METTL8: variants seen among roughly 807,000 people sequenced by gnomAD.
The protein encoded by METTL8 is tRNA N(3)-cytidine methyltransferase METTL8, mitochondrial.
Under a neutral mutation model 48.7 loss-of-function variants are expected in METTL8, and 32 were observed. The ratio of observed to expected loss-of-function variants is 0.66; its 90% confidence interval spans 0.50 to 0.88. The LOEUF is 0.88. Ranked by LOEUF, METTL8 falls within the 40% of genes least tolerant of loss-of-function variation. The pLI, the probability that METTL8 is intolerant of heterozygous loss-of-function variation, is 0.00. For missense variants in METTL8, 464 were observed against 474.4 expected, an observed-to-expected ratio of 0.98 and a Z score of 0.20; for synonymous variants, 136 against 157.1, an observed-to-expected ratio of 0.87 and a Z score of 1.01.
chr2:171,391,619 G>A (rs1274709812), intron 2 of METTL8, among the ~76,000 whole-genome samples: 1 of 152,136 alleles, frequency 6.6e-6, no homozygotes, highest in Admixed American at 6.5e-5. Context: ...GCATAGACGA[G>A]AATCATACCA....
chr2:171,343,877 T>C (rs1559077024), intron 3 of METTL8, among the ~76,000 whole-genome samples: 1 of 152,214 alleles, frequency 6.6e-6, no homozygotes. Flanking sequence ...CATGAGTCTG[T>C]ACTACTGTTT....
rs890820810 is a variant in METTL8 at position 171,319,287 on chromosome 2, G to C, written c.*4885C>G. 6.6e-6 allele frequency: 1 copy of C among 152,220 alleles called. No homozygotes were observed. The highest frequency in any genetic ancestry group is 1.5e-5 in the Non-Finnish European group (1 of 68,036). The allele number at this position is 152,220 out of a possible 1,614,324, so 9.4% of individuals were successfully genotyped here. Reference sequence around the variant, plus strand: ...TACCCACGCCAACACTAAGTCTCCTGATGACTAACAGAGGCAGGAAGCAGG... The same window carrying C: ...TACCCACGCCAACACTAAGTCTCCTCATGACTAACAGAGGCAGGAAGCAGG... On this transcript the variant is annotated 3_prime_UTR_variant, in exon 10 of 10. Transcript: ENST00000375258.
intron 1 of METTL8, chr2:171,414,845 G>C (rs1035932588): frequency 1.3e-5 from 2 of 152,028 alleles, no homozygotes; most frequent in Non-Finnish European, 2.9e-5. Flanking sequence ...CACATGTTGC[G>C]GGAGGCATCT....
intron 1 of METTL8, among the ~76,000 whole-genome samples, chr2:171,432,393 C>T (rs915249046): frequency 3.9e-5 from 6 of 152,136 alleles, no homozygotes; most frequent in African/African-American, 1.2e-4. Flanking sequence ...TCCAGGATGA[C>T]TCTCCCTTGG....
intron 1 of METTL8, among the ~76,000 whole-genome samples, chr2:171,405,411 A>G (rs887364908): frequency 5.9e-5 from 9 of 152,338 alleles, no homozygotes; most frequent in African/African-American, 2.2e-4. Context: ...AAAATAAACA[A>G]TTGGTTTTAG....
At chr2:171,366,194 T>G (rs1170466698) in intron 2 of METTL8, among the ~76,000 whole-genome samples, 2 of 152,100 alleles carry the variant, frequency 1.3e-5, no homozygotes, top group Non-Finnish European at 2.9e-5. Flanking sequence ...ACAAGATAGG[T>G]AGTACAGTGC....
intron 1 of METTL8, among the ~76,000 whole-genome samples, chr2:171,431,666 G>A (rs559509101): frequency 2.6e-5 from 4 of 152,304 alleles, no homozygotes; most frequent in African/African-American, 9.6e-5. Context: ...AGAGTAACAC[G>A]GTAGCTCTCT....
intron 1 of METTL8, among the ~76,000 whole-genome samples, chr2:171,413,613 G>A (rs1690974626): frequency 6.6e-6 from 1 of 152,010 alleles, no homozygotes; most frequent in African/African-American, 2.4e-5. Flanking sequence ...TTTTTTCTTA[G>A]GTTACATTTC....
intron 2 of METTL8, among the ~76,000 whole-genome samples, chr2:171,360,959 T>A (rs1465117544): frequency 6.6e-6 from 1 of 152,270 alleles, no homozygotes. Flanking sequence ...TAAAATGTTT[T>A]GTACTTAGCC....
chr2:171,420,528 C>A (rs58054376), intron 1 of METTL8, among the ~76,000 whole-genome samples: 1,898 of 152,160 alleles, frequency 0.012, 38 homozygotes, highest in African/African-American at 0.043. Context: ...ATCAACCACC[C>A]CTAAATGGCT....
chr2:171,405,880 G>A (rs907307569), intron 1 of METTL8, among the ~76,000 whole-genome samples: 13 of 152,088 alleles, frequency 8.5e-5, no homozygotes, highest in African/African-American at 2.9e-4. Flanking sequence ...GCTCTTCTTC[G>A]TGAAGTAAGA....
chr2:171,335,859 T>G (rs557320091), intron 5 of METTL8, among the ~76,000 whole-genome samples: 1 of 152,202 alleles, frequency 6.6e-6, no homozygotes, highest in Non-Finnish European at 1.5e-5. Flanking sequence ...TCCCTCCCTC[T>G]CCTTTTCCTC....
chr2:171,359,842 C>T (rs112748001), intron 3 of METTL8, among the ~76,000 whole-genome samples: 6,989 of 152,182 alleles, frequency 0.046, 537 homozygotes, highest in African/African-American at 0.15. Flanking sequence ...CTGCCCACCT[C>T]GGCCACCCAA....
At chr2:171,400,295 T>C (rs1026928124) in intron 1 of METTL8, among the ~76,000 whole-genome samples, 5 of 152,210 alleles carry the variant, frequency 3.3e-5, no homozygotes, top group Non-Finnish European at 7.3e-5. Flanking sequence ...TTTTGCTTTT[T>C]TGAACAGCAT....
chr2:171,381,352 A>C (rs1385284749), intron 2 of METTL8, among the ~76,000 whole-genome samples: 3 of 152,232 alleles, frequency 2.0e-5, no homozygotes, highest in Non-Finnish European at 4.4e-5. Flanking sequence ...ATGGGCAAAG[A>C]CTTCACGACA....
chr2:171,434,526 T>G, upstream of METTL8: 1 of 1,522,374 alleles, frequency 6.6e-7, no homozygotes, highest in Non-Finnish European at 8.8e-7. Flanking sequence ...CACGGGAGTG[T>G]GGGGCGCGCC....
intron 1 of METTL8, among the ~76,000 whole-genome samples, chr2:171,425,884 T>G (rs1692362113): frequency 6.6e-6 from 1 of 152,098 alleles, no homozygotes; most frequent in African/African-American, 2.4e-5. Context: ...AGAGGCCAGG[T>G]GTGGTGGCTC....
intron 2 of METTL8, among the ~76,000 whole-genome samples, chr2:171,391,405 T>C (rs1688567065): frequency 1.3e-5 from 2 of 152,336 alleles, no homozygotes; most frequent in South Asian, 4.1e-4. Flanking sequence ...GAGGTGTGCC[T>C]GTAATCGTAA....
At chr2:171,387,495 A>C (rs1574087522) in intron 2 of METTL8, among the ~76,000 whole-genome samples, 1 of 151,888 alleles carries the variant, frequency 6.6e-6, no homozygotes, top group Admixed American at 6.6e-5. Context: ...GAATCACTGC[A>C]CTCCAGCCAG....
Sources: gnomAD v4.1 joint callset for allele counts (sites outside exome capture counted in the v4.1 genomes callset) on GRCh38, gnomAD v4.1.1 for gene constraint, MANE v1.5 for transcripts, NCBI Gene and HGNC (gene_info 2026-07-23, HGNC 2026-07-21) for gene names.